The following ERN2 variants were observed in gnomAD, a reference collection of about 807,000 sequenced individuals.
ERN2 encodes the protein serine/threonine-protein kinase/endoribonuclease IRE2.
In ERN2, 111 loss-of-function variants were observed where a neutral mutation model predicts 107.9. The ratio of observed to expected loss-of-function variants is 1.03; its 90% CI spans 0.88 to 1.20. The LOEUF is 1.20. ERN2 is among the 50% of genes most tolerant of loss of function. ERN2 has a pLI of 0.00. For missense variants in ERN2, 1,225 were observed against 1,197.9 expected (o/e 1.02, Z -0.33); for synonymous variants, 524 against 501.7 (o/e 1.04, Z -0.59).
Position 23,694,911 on chromosome 16 carries a change from C to T in ERN2, c.1917G>A (p.Lys639=), listed in dbSNP as rs1244900087. ...GCCCGGTGATGAGAATATTTCCTGGCTTCAGGTCCCGGTGCACTGTGGGAG... is the reference window on the plus strand; with the variant it reads ...GCCCGGTGATGAGAATATTTCCTGGTTTCAGGTCCCGGTGCACTGTGGGAG... ...HSLHIVHRDL[K]PGNILITGPD... The change falls in exon 17 of 22, where the codon AAG becomes AAA. Residue 639 remains lysine, a synonymous_variant. Coordinates refer to ENST00000256797, the MANE Select transcript of ERN2 (RefSeq NM_033266.4). 1.2e-6 allele frequency: 2 copies of T among 1,614,200 alleles called. No individual in the cohort carries two copies. The highest frequency in any genetic ancestry group is 2.2e-5 in the South Asian group (2 of 91,080).
At chr16:23,702,579 C>A in intron 9 of ERN2, 42 bp from the exon 10 acceptor site, 2 of 1,614,058 alleles carry the variant, frequency 1.2e-6, no homozygotes, top group Non-Finnish European at 1.7e-6. Flanking sequence ...GGAGGTTCTT[C>A]TCCCGTTCAT....
Position 23,690,756 on chromosome 16 carries a change from G to GGCGGTCT in ERN2, c.*74_*75insAGACCGC. On this transcript the variant is annotated 3_prime_UTR_variant, in exon 22 of 22. Coordinates refer to ENST00000256797, the MANE Select transcript of ERN2 (RefSeq NM_033266.4). ...AGGTGTGAGCCACTGCACCCAGCCTGATTCTGAGGCCAGCCACAGGCTCAG... is the reference window on the plus strand; with the variant it reads ...AGGTGTGAGCCACTGCACCCAGCCTGGCGGTCTATTCTGAGGCCAGCCACAGGCTCAG... The GGCGGTCT allele has an allele frequency of 7.5e-6, 10 of 1,341,308 alleles. No individual in the cohort carries two copies. The highest frequency in any genetic ancestry group is 9.3e-6 in the Non-Finnish European group (9 of 962,978). The allele number at this position is 1,341,308 out of a possible 1,614,324, so 83.1% of individuals were successfully genotyped here. A position where few individuals can be genotyped will look rare whatever the true frequency, so the allele number is the denominator to read the frequency against.
At chr16:23,702,299 G>A in intron 10 of ERN2, 26 bp from the exon 11 acceptor site, 2 of 1,613,674 alleles carry the variant, frequency 1.2e-6, no homozygotes, top group Middle Eastern at 1.7e-4. Context: ...AAAGTCATCA[G>A]GCTGAAGGGG....
rs937915226 is a variant in ERN2, at chr16:23,700,569, T to C, written c.1495A>G (p.Lys499Glu). ...GGGTCGTCGAGTGGCTGGGCTTGCT[T>C]TGAGGGACTCTGAAGCCTCTTCTGG... The part of the protein sequence containing the change: ...RSQKRLQSPS[K>E]QAQPLDDPEA... Residue 499 changes from lysine (K) to glutamate (E), a missense_variant, in exon 13 of 22, where the codon AAG becomes GAG. Coordinates refer to ENST00000256797, the MANE Select transcript of ERN2 (RefSeq NM_033266.4). 3.1e-6 allele frequency: 5 copies of C among 1,613,840 alleles called. No homozygotes were observed. In the African/African-American group the frequency reaches 5.3e-5, roughly 17 times the overall value.
At position 23,706,718 on chromosome 16, in the gene ERN2, GC is replaced by G. The variant is rs772254946; in HGVS notation, c.487+35del. The G allele has an allele frequency of 4.2e-6, 6 of 1,427,886 alleles. No individual in the cohort carries two copies. The East Asian group carries it at 1.4e-4, about 32-fold the overall frequency. 88.5% of individuals were successfully genotyped at this position (1,427,886 alleles called of 1,614,324 possible). A position where few individuals can be genotyped will look rare whatever the true frequency, so the allele number is the denominator to read the frequency against. The stretch of plus-strand genomic sequence containing the variant: ...TCTCAGCAGAGCAAAAGGGGAGGCT[GC>G]CCAGAGCTTGAGGAACAGCTGGGGC... On this transcript the variant is annotated intron_variant, in intron 6 of 21. Transcript: ENST00000256797.
chr16:23,706,828 G>C lies in ERN2; in HGVS notation c.413C>G (p.Pro138Arg). Reference protein sequence around the residue: ...RKQDAWFVVDPESGETQMTLT... With the variant: ...RKQDAWFVVDRESGETQMTLT... Reference sequence around the variant, plus strand: ...TGTCATCTGGGTCTCCCCTGACTCAGGGTCCACCACAAACCAGGCATCCTG... The same window carrying C: ...TGTCATCTGGGTCTCCCCTGACTCACGGTCCACCACAAACCAGGCATCCTG... Residue 138 changes from proline (P) to arginine (R), a missense_variant, in exon 6 of 22, where the codon CCT becomes CGT. Pro to Arg is a moderately radical substitution (Grantham distance 103). Transcript: ENST00000256797. The C allele has an allele frequency of 6.2e-7, 1 of 1,614,042 alleles. No individual in the cohort carries two copies. Among genetic ancestry groups the C allele is most frequent in the Non-Finnish European group, 8.5e-7 (1 of 1,179,962 alleles).
rs772268249 is a variant in ERN2 at position 23,707,052 on chromosome 16, C to G, written c.334G>C (p.Val112Leu). 6.2e-7 allele frequency: 1 copy of G among 1,614,138 alleles called. No homozygotes were observed. The highest frequency in any genetic ancestry group is 1.1e-5 in the South Asian group (1 of 91,080). The part of the protein sequence containing the change: ...MKLPFTIPEL[V>L]HASPCRSSDG... The stretch of plus-strand genomic sequence containing the variant: ...GAGCTGCGGCAGGGAGAGGCATGAA[C>G]CAGCTCAGGGATGGTGAATGGCAGT... The change falls in exon 5 of 22, where the codon GTT becomes CTT. Residue 112 changes from valine (V) to leucine (L), a missense_variant. By Grantham distance (32) the Val-to-Leu change is conservative. Transcript: ENST00000256797.
At chr16:23,706,920 C>T in intron 5 of ERN2, 59 bp from the exon 6 acceptor site, 1 of 1,572,862 alleles carries the variant, frequency 6.4e-7, no homozygotes, top group African/African-American at 1.3e-5. Context: ...TGTGGCCCCG[C>T]CACTCTTGTG....
At position 23,709,157 on chromosome 16, in the gene ERN2, G is replaced by A. The variant is rs35630; in HGVS notation, c.306+1015C>T. ...TTAGAATTCTGACAAAGAACTGGGT[G>A]TGGTGGTGTGTACCTGTAGTTCCAG... On this transcript the variant is annotated intron_variant, in intron 4 of 21. Transcript: ENST00000256797. 370 of 455,388 alleles carry A rather than the reference G, an allele frequency of 8.1e-4. 4 individuals are homozygous for A. In the Admixed American group the frequency reaches 8.4e-3, roughly 10 times the overall value. 28.2% of individuals were successfully genotyped at this position (455,388 alleles called of 1,614,324 possible).
Position 23,710,521 on chromosome 16 carries a change from G to A in ERN2, c.228C>T (p.Val76=). Residue 76 remains valine, a synonymous_variant, in exon 3 of 22, where the codon GTC becomes GTT. Transcript: ENST00000256797. ...DDPVIEGPMY[V]TEMAFLSDPA... Reference sequence around the variant, plus strand: ...AAGGCCCCAGGTTCACTTACTCTGTGACGTACATTGGTCCTTCGATGACGG... The same window carrying A: ...AAGGCCCCAGGTTCACTTACTCTGTAACGTACATTGGTCCTTCGATGACGG... 1 of 1,614,172 alleles carries A rather than the reference G, an allele frequency of 6.2e-7. No homozygotes were observed. The highest frequency in any genetic ancestry group is 8.5e-7 in the Non-Finnish European group (1 of 1,180,020).
chr16:23,713,184 C>T lies in ERN2; in HGVS notation c.4G>A (p.Ala2Thr). M[A>T]SAVRGSRPWP... is the part of the protein sequence containing the mutation. Reference sequence around the variant, plus strand: ...GGCCTCGACCCCCTGACCGCACTCGCCATAGCGCCTGGGCAGCTGCACGGC... The same window carrying T: ...GGCCTCGACCCCCTGACCGCACTCGTCATAGCGCCTGGGCAGCTGCACGGC... The change falls in exon 1 of 22, where the codon GCG becomes ACG. Residue 2 changes from alanine (A) to threonine (T), a missense_variant. Physicochemically the swap from Ala to Thr is moderately conservative, Grantham distance 58. Transcript: ENST00000256797. 6.3e-7 allele frequency: 1 copy of T among 1,578,376 alleles called. No individual in the cohort carries two copies. Among genetic ancestry groups the T allele is most frequent in the Non-Finnish European group, 8.6e-7 (1 of 1,168,630 alleles).
intron 17 of ERN2, among the ~76,000 whole-genome samples, chr16:23,694,321 G>C (rs541235096): frequency 2.6e-5 from 4 of 152,152 alleles, no homozygotes; most frequent in African/African-American, 9.6e-5. Flanking sequence ...TTTAAGTTGC[G>C]CAGTGGTTGT....
At chr16:23,699,588 G>A (rs111697571) in intron 13 of ERN2, among the ~76,000 whole-genome samples, 5 of 152,046 alleles carry the variant, frequency 3.3e-5, no homozygotes, top group East Asian at 1.9e-4. Context: ...CACGCCCGGC[G>A]AATTGTTTGT....
chr16:23,708,751 A>G (rs1194095760), intron 4 of ERN2, among the ~76,000 whole-genome samples: 1 of 152,120 alleles, frequency 6.6e-6, no homozygotes, highest in African/African-American at 2.4e-5. Flanking sequence ...TGCTCTGGGC[A>G]TGTAAGACGT....
chr16:23,704,907 A>T lies in ERN2; in HGVS notation c.830T>A (p.Phe277Tyr), dbSNP rs1330424968. 1 of 1,611,920 alleles carries T rather than the reference A, an allele frequency of 6.2e-7. No homozygotes were observed. The highest frequency in any genetic ancestry group is 1.1e-5 in the South Asian group (1 of 91,062). Residue 277 changes from phenylalanine (F) to tyrosine (Y), a missense_variant, in exon 8 of 22, where the codon TTC becomes TAC. Physicochemically the swap from Phe to Tyr is conservative, Grantham distance 22. Transcript: ENST00000256797. ...CAGCAGCTGGGTGTCCAAGGTAGAG[A>T]AGAGGGTGGCTGTGTCCCGGGGGCC... ...ASGPRDTATL[F>Y]STLDTQLLMT...
At chr16:23,712,030 G>T (rs1340776550) in intron 1 of ERN2, 6 of 454,208 alleles carry the variant, frequency 1.3e-5, no homozygotes, top group South Asian at 7.8e-5. Flanking sequence ...ACAGGGTGAG[G>T]CTGAGCTCCC....
rs1254782944 is a variant in ERN2, at chr16:23,692,158, C to T, written c.2248+26G>A. On this transcript the variant is annotated intron_variant, in intron 18 of 21. Transcript: ENST00000256797. ...CCTAGCGTCTTGCCCGTCCTCCCTT[C>T]TCTGCCCTGCCCAGGGCTCCCTCAC... 2.5e-6 allele frequency: 4 copies of T among 1,614,022 alleles called. No individual in the cohort carries two copies. The South Asian group carries it at 4.4e-5, about 18-fold the overall frequency.
At chr16:23,706,490 A>G (rs1960320468) in intron 6 of ERN2, 59 bp from the exon 7 acceptor site, 1 of 1,298,176 alleles carries the variant, frequency 7.7e-7, no homozygotes, top group African/African-American at 1.5e-5. Context: ...CTCCAACCCC[A>G]GGGGCCATTT....
chr16:23,694,514 A>T lies in ERN2; in HGVS notation c.2100+214T>A, dbSNP rs374137673. On this transcript the variant is annotated intron_variant, in intron 17 of 21. Coordinates refer to ENST00000256797, the MANE Select transcript of ERN2 (RefSeq NM_033266.4). ...ATGGCAGTCAAAAATGTCTCCAGAC[A>T]TTGCCTAATGTCCCCTGGGTGGCAA... Among the ~76,000 whole-genome samples the T allele has an allele frequency of 1.5e-4, 23 of 152,306 alleles. No homozygotes were observed. The East Asian group carries it at 3.1e-3, about 20-fold the overall frequency.
Sources: allele counts gnomAD v4.1 joint callset (sites outside exome capture counted in the v4.1 genomes callset), GRCh38; gene constraint gnomAD v4.1.1; transcripts MANE v1.5; gene names NCBI Gene and HGNC (gene_info 2026-07-23, HGNC 2026-07-21).